ARHGEF11: variants seen among roughly 807,000 people sequenced by gnomAD.
ARHGEF11 encodes Rho guanine nucleotide exchange factor 11.
ARHGEF11 carries 55 observed loss-of-function variants against 193.7 expected under a neutral mutation model. The ratio of observed to expected loss-of-function variants is 0.28; its 90% CI spans 0.23 to 0.36. The LOEUF (loss-of-function observed/expected upper bound fraction) is 0.36. ARHGEF11 is among the 10% of genes least tolerant of loss of function. ARHGEF11 has a pLI of 1.00. For synonymous variants in ARHGEF11, 693 were observed against 768.0 expected (o/e 0.90, Z 1.62); for missense variants, 1,723 against 2,005.6 (o/e 0.86, Z 2.69).
At chr1:156,936,375 C>T (rs2101706296) in intron 40 of ARHGEF11, 2 of 423,424 alleles carry the variant, frequency 4.7e-6, no homozygotes, top group Middle Eastern at 7.1e-4. Flanking sequence ...TGTGCACCTG[C>T]AATCCCAGCT....
intron 13 of ARHGEF11, among the ~76,000 whole-genome samples, chr1:156,962,976 C>T (rs1378220109): frequency 6.6e-6 from 1 of 150,520 alleles, no homozygotes; most frequent in East Asian, 2.0e-4. Flanking sequence ...CCTGGCCTTG[C>T]TCTCTTGCTC....
At chr1:156,983,467 G>A (rs897790970) in intron 3 of ARHGEF11, among the ~76,000 whole-genome samples, 4 of 152,172 alleles carry the variant, frequency 2.6e-5, no homozygotes, top group African/African-American at 9.6e-5. Flanking sequence ...CGTGATCCGC[G>A]AGCCTCGGCC....
chr1:157,031,289 T>C (rs543681580), intron 1 of ARHGEF11, among the ~76,000 whole-genome samples: 2 of 152,240 alleles, frequency 1.3e-5, no homozygotes, highest in Admixed American at 6.5e-5. Context: ...CCCCGTATCT[T>C]GCCCAGTTCT....
chr1:156,978,346 G>C lies in ARHGEF11; in HGVS notation c.368C>G (p.Ser123Ter). 1 of 1,613,166 alleles carries C rather than the reference G, an allele frequency of 6.2e-7. No homozygotes were observed. The highest frequency in any genetic ancestry group is 8.5e-7 in the Non-Finnish European group (1 of 1,179,556). Residue 123 changes from serine to a stop codon, truncating the protein, a stop_gained, in exon 6 of 41, where the codon TCA becomes TGA. Coordinates refer to ENST00000368194, the MANE Select transcript of ARHGEF11 (RefSeq NM_198236.3). LOFTEE classifies it high-confidence loss of function. ...CCCAGAGATGCCCATGGATGAAGGT[G>C]AAGAGCCCAGGAGGGTGAGTGCGAC... ...AYVALTLLGS[S>*]PSSMGISGLQ...
rs996149493 is a variant in ARHGEF11, at chr1:156,967,967, G to A, written c.963+20C>T. 5 of 1,613,548 alleles carry A rather than the reference G, an allele frequency of 3.1e-6. No homozygotes were observed. Among genetic ancestry groups the A allele is most frequent in the Non-Finnish European group, 4.2e-6 (5 of 1,179,994 alleles). ...ACTTCTGAGAAAAGGAAAACTGCAG[G>A]GTGGCTCCAGATCACTCACCTGGTC... On this transcript the variant is annotated intron_variant, in intron 11 of 40. Transcript: ENST00000368194.
chr1:157,043,909 C>T (rs1313043911), intron 1 of ARHGEF11, among the ~76,000 whole-genome samples: 1 of 152,208 alleles, frequency 6.6e-6, no homozygotes, highest in Non-Finnish European at 1.5e-5. Flanking sequence ...GGCCCTTCTC[C>T]CAGCAGCTCC....
At position 156,954,000 on chromosome 1, in the gene ARHGEF11, G is replaced by A. The variant is rs538421480; in HGVS notation, c.1798+892C>T. Among the ~76,000 whole-genome samples, 102 of 152,212 alleles carry A rather than the reference G, an allele frequency of 6.7e-4. 1 individual carries two copies. In the South Asian group the frequency reaches 0.02, roughly 29 times the overall value. ...ATGATAAGAACAAAAATATCCAAGAGAAAAACTGTTGGAGACCCATACTTT... is the reference window on the plus strand; with the variant it reads ...ATGATAAGAACAAAAATATCCAAGAAAAAAACTGTTGGAGACCCATACTTT... On this transcript the variant is annotated intron_variant, in intron 21 of 40. Coordinates refer to ENST00000368194, the MANE Select transcript of ARHGEF11 (RefSeq NM_198236.3).
chr1:157,010,668 A>G lies in ARHGEF11; in HGVS notation c.33-24495T>C, dbSNP rs547743746. ...AGCGATCCTCCCATCTCAGCCTCCCAAAGTGCTGGGATTATAGGCATGAGC... is the reference window on the plus strand; with the variant it reads ...AGCGATCCTCCCATCTCAGCCTCCCGAAGTGCTGGGATTATAGGCATGAGC... On this transcript the variant is annotated intron_variant, in intron 1 of 40. Coordinates refer to ENST00000368194, the MANE Select transcript of ARHGEF11 (RefSeq NM_198236.3). Among the ~76,000 whole-genome samples the G allele has an allele frequency of 3.3e-5, 5 of 152,176 alleles. No homozygotes were observed. The South Asian group carries it at 1.0e-3, about 32-fold the overall frequency.
At chr1:156,993,065 G>A (rs187733215) in intron 1 of ARHGEF11, among the ~76,000 whole-genome samples, 16 of 152,298 alleles carry the variant, frequency 1.1e-4, no homozygotes, top group Admixed American at 8.5e-4. Flanking sequence ...TACTTACCAC[G>A]TGCTGTGCTA....
chr1:156,960,331 A>T (rs1464717125), intron 15 of ARHGEF11, 87 bp downstream of exon 15: 23 of 1,324,336 alleles, frequency 1.7e-5, no homozygotes, highest in Non-Finnish European at 2.5e-5. Flanking sequence ...GACAGGGACT[A>T]TGTCCCTTCT....
At chr1:156,959,206 T>C (rs759746870) in intron 15 of ARHGEF11, 64 bp from the exon 16 acceptor site, 2 of 1,410,690 alleles carry the variant, frequency 1.4e-6, no homozygotes, top group Non-Finnish European at 2.0e-6. Flanking sequence ...GGATCCCTTC[T>C]GCTGAGCATC....
chr1:156,939,395 A>T, intron 37 of ARHGEF11, 153 bp downstream of exon 37: 1 of 1,018,522 alleles, frequency 9.8e-7, no homozygotes, highest in African/African-American at 1.6e-5. Context: ...AGCCTGCCTG[A>T]TATCGGCGTT....
At chr1:156,943,192 C>T (rs542135951) in intron 32 of ARHGEF11, among the ~76,000 whole-genome samples, 1 of 152,118 alleles carries the variant, frequency 6.6e-6, no homozygotes, top group Non-Finnish European at 1.5e-5. Context: ...TCCCGAGTAA[C>T]TGGAATTACA....
chr1:157,021,577 G>A (rs142170668), intron 1 of ARHGEF11, among the ~76,000 whole-genome samples: 25 of 152,236 alleles, frequency 1.6e-4, no homozygotes, highest in Non-Finnish European at 2.9e-4. Flanking sequence ...AAAGGAAATC[G>A]TTTAAATAAA....
At chr1:157,008,269 C>T (rs953850909) in intron 1 of ARHGEF11, among the ~76,000 whole-genome samples, 4 of 152,090 alleles carry the variant, frequency 2.6e-5, no homozygotes, top group Non-Finnish European at 4.4e-5. Flanking sequence ...TATGTTGAAG[C>T]TCTACCCTCC....
chr1:157,031,137 A>T (rs986917764), intron 1 of ARHGEF11, among the ~76,000 whole-genome samples: 1 of 152,194 alleles, frequency 6.6e-6, no homozygotes. Context: ...CAGCAGAGTG[A>T]AAGTTCCAGT....
At chr1:157,019,663 A>C (rs965812151) in intron 1 of ARHGEF11, among the ~76,000 whole-genome samples, 2 of 152,240 alleles carry the variant, frequency 1.3e-5, no homozygotes, top group African/African-American at 4.8e-5. Context: ...ATAAAATGGA[A>C]TACTACTCAG....
chr1:156,949,257 G>T, intron 22 of ARHGEF11: 1 of 276,972 alleles, frequency 3.6e-6, no homozygotes, highest in Non-Finnish European at 5.5e-6. Flanking sequence ...TTGATGAGAT[G>T]CTGATGACTG....
rs772550559 is a variant in ARHGEF11, at chr1:156,947,886, C to T, written c.2224G>A (p.Gly742Ser). Reference sequence around the variant, plus strand: ...TCTGGCTCCAGGTCAGACAGCTGGCCCAGATCATCCTCTAGGAGGTGGGGA... The same window carrying T: ...TCTGGCTCCAGGTCAGACAGCTGGCTCAGATCATCCTCTAGGAGGTGGGGA... ...LLPHLLEDDL[G>S]QLSDLEPEPD... is the part of the protein sequence containing the mutation. The change falls in exon 25 of 41, where the codon GGC (glycine) becomes AGC (serine). Residue 742 changes from glycine to serine, a missense_variant. Coordinates refer to ENST00000368194, the MANE Select transcript of ARHGEF11 (RefSeq NM_198236.3). The T allele has an allele frequency of 3.1e-6, 5 of 1,614,004 alleles. No homozygotes were observed. Among genetic ancestry groups the T allele is most frequent in the Admixed American group, 3.3e-5 (2 of 59,992 alleles).
Sources: gnomAD v4.1 joint callset for allele counts (sites outside exome capture counted in the v4.1 genomes callset) on GRCh38, gnomAD v4.1.1 for gene constraint, MANE v1.5 for transcripts, NCBI Gene and HGNC (gene_info 2026-07-23, HGNC 2026-07-21) for gene names.